Variants in BMERB1 observed in about 807,000 individuals in gnomAD.
BMERB1 encodes bMERB domain containing 1.
In BMERB1, 12 loss-of-function variants were observed where a neutral mutation model predicts 23.6. The ratio of observed to expected loss-of-function variants is 0.51; its 90% CI spans 0.33 to 0.82. The LOEUF is 0.82. Ranked by LOEUF, BMERB1 falls within the 40% of genes least tolerant of loss-of-function variation. BMERB1 has a pLI of 0.03. For synonymous variants in BMERB1, 122 were observed against 96.6 expected, an observed-to-expected ratio of 1.26 and a Z score of -1.54; for missense variants, 247 against 255.4, an observed-to-expected ratio of 0.97 and a Z score of 0.22.
intron 2 of BMERB1, chr16:15,533,183 G>A: frequency 3.1e-6 from 1 of 326,650 alleles, no homozygotes; most frequent in Non-Finnish European, 6.0e-6. Context: ...GGAAGAAATT[G>A]AGTTTGGAAA....
rs2051536302 is a variant in BMERB1 at position 15,502,129 on chromosome 16, A to G, written c.107-13176A>G. On this transcript the variant is annotated intron_variant, in intron 1 of 5. Transcript: ENST00000300006. Reference sequence around the variant, plus strand: ...CGGACCATCTACTCATGTCTGCTTGACGCCAATGCCTGCGTCTTCACGTGC... The same window carrying G: ...CGGACCATCTACTCATGTCTGCTTGGCGCCAATGCCTGCGTCTTCACGTGC... The G allele has an allele frequency of 6.0e-6, 4 of 666,162 alleles. No individual in the cohort carries two copies. In the South Asian group the frequency reaches 7.2e-5, roughly 12 times the overall value. The allele number at this position is 666,162 out of a possible 1,614,324, so 41.3% of individuals were successfully genotyped here.
At chr16:15,522,592 T>A (rs2051866477) in intron 2 of BMERB1, among the ~76,000 whole-genome samples, 1 of 152,224 alleles carries the variant, frequency 6.6e-6, no homozygotes, top group Non-Finnish European at 1.5e-5. Context: ...GCCTTTATTT[T>A]ATAGATGAGG....
chr16:15,501,570 G>A (rs1256715440), intron 1 of BMERB1, among the ~76,000 whole-genome samples: 2 of 152,152 alleles, frequency 1.3e-5, no homozygotes, highest in African/African-American at 4.8e-5. Context: ...CGCCTCCCCA[G>A]TTCAAGCAAT....
chr16:15,507,406 TG>T (rs1210418769), intron 1 of BMERB1, among the ~76,000 whole-genome samples: 2 of 152,128 alleles, frequency 1.3e-5, no homozygotes, highest in Non-Finnish European at 2.9e-5. Flanking sequence ...GGGTGGCATT[TG>T]GGGATGGGAA....
At chr16:15,477,163 C>A (rs2051281529) in intron 1 of BMERB1, among the ~76,000 whole-genome samples, 2 of 152,046 alleles carry the variant, frequency 1.3e-5, no homozygotes. Flanking sequence ...CTCACCCTTC[C>A]ACATGTCTGG....
chr16:15,448,902 C>T (rs913841442), intron 1 of BMERB1, among the ~76,000 whole-genome samples: 3 of 152,128 alleles, frequency 2.0e-5, no homozygotes, highest in Non-Finnish European at 4.4e-5. Flanking sequence ...TACAAAGTAA[C>T]AGGAATAGGT....
At chr16:15,494,761 A>G (rs2630890) in intron 1 of BMERB1, among the ~76,000 whole-genome samples, 1 of 152,194 alleles carries the variant, frequency 6.6e-6, no homozygotes, top group Non-Finnish European at 1.5e-5. Context: ...TGAAAGCAAC[A>G]AAGAATTTGT....
At chr16:15,540,062 G>A (rs1287881636) in intron 2 of BMERB1, among the ~76,000 whole-genome samples, 1 of 151,682 alleles carries the variant, frequency 6.6e-6, no homozygotes, top group Non-Finnish European at 1.5e-5. Flanking sequence ...AGGCTGAGGC[G>A]GGAGGATTGC....
intron 1 of BMERB1, among the ~76,000 whole-genome samples, chr16:15,475,206 G>A (rs969617829): frequency 1.2e-4 from 19 of 152,232 alleles, no homozygotes; most frequent in Admixed American, 7.2e-4. Context: ...GAGTTGACTC[G>A]TACCACTTTG....
At chr16:15,465,564 G>T (rs1392600779) in intron 1 of BMERB1, among the ~76,000 whole-genome samples, 3 of 151,994 alleles carry the variant, frequency 2.0e-5, no homozygotes, top group Non-Finnish European at 4.4e-5. Context: ...CGTTGGCCAG[G>T]CTGGTCTCAA....
At chr16:15,448,407 T>A (rs939270051) in intron 1 of BMERB1, among the ~76,000 whole-genome samples, 1 of 152,120 alleles carries the variant, frequency 6.6e-6, no homozygotes, top group Admixed American at 6.6e-5. Flanking sequence ...CCATAGTAGT[T>A]ATTATGTCTC....
intron 2 of BMERB1, among the ~76,000 whole-genome samples, chr16:15,543,037 T>TCA (rs2052101116): frequency 6.6e-6 from 1 of 152,188 alleles, no homozygotes; most frequent in Non-Finnish European, 1.5e-5. Context: ...TTGTCTGGTG[T>TCA]CCAGGAAGAA....
intron 2 of BMERB1, among the ~76,000 whole-genome samples, chr16:15,526,142 A>G (rs1053558860): frequency 2.6e-5 from 4 of 152,242 alleles, no homozygotes; most frequent in Non-Finnish European, 5.9e-5. Flanking sequence ...ATACATTTGT[A>G]TAGGACATTT....
intron 2 of BMERB1, among the ~76,000 whole-genome samples, chr16:15,532,549 T>C (rs1387645867): frequency 4.3e-5 from 6 of 140,044 alleles, no homozygotes; most frequent in Non-Finnish European, 6.2e-5. Flanking sequence ...TTTTTCTTTT[T>C]TTTTTTTTTT....
chr16:15,473,272 A>G (rs1450085961), intron 1 of BMERB1, among the ~76,000 whole-genome samples: 2 of 150,532 alleles, frequency 1.3e-5, no homozygotes, highest in East Asian at 3.9e-4. Context: ...TTCTGTTTGG[A>G]GAATTTCCTT....
Position 15,454,236 on chromosome 16 carries a change from G to A in BMERB1, c.106+19477G>A, listed in dbSNP as rs76968539. Reference sequence around the variant, plus strand: ...AAATTAGATGTAGCTTGTATAATCTGGAGCTACAGTCACGAGAATAGGATG... The same window carrying A: ...AAATTAGATGTAGCTTGTATAATCTAGAGCTACAGTCACGAGAATAGGATG... On this transcript the variant is annotated intron_variant, in intron 1 of 5. Transcript: ENST00000300006. 2.3e-3 allele frequency among the ~76,000 whole-genome samples: 355 copies of A among 152,324 alleles called. 7 individuals are homozygous for A. In the East Asian group the frequency reaches 0.039, roughly 17 times the overall value.
At chr16:15,446,964 A>G (rs540323614) in intron 1 of BMERB1, among the ~76,000 whole-genome samples, 36 of 152,326 alleles carry the variant, frequency 2.4e-4, no homozygotes, top group Admixed American at 1.3e-3. Context: ...AAGGATTTCT[A>G]GGTCAATATA....
rs574840975 is a variant in BMERB1, at chr16:15,481,979, C to T, written c.107-33326C>T. On this transcript the variant is annotated intron_variant, in intron 1 of 5. Coordinates refer to ENST00000300006, the MANE Select transcript of BMERB1 (RefSeq NM_033201.3). ...CTCCTGACCTCAAGTGATCTGCCCA[C>T]CTCAGCCTCCCAAAGTGCTGGGATT... Among the ~76,000 whole-genome samples, 138 of 152,162 alleles carry T rather than the reference C, an allele frequency of 9.1e-4. 1 individual carries two copies. Among genetic ancestry groups the T allele is most frequent in the Non-Finnish European group, 1.3e-3 (88 of 67,980 alleles).
intron 3 of BMERB1, among the ~76,000 whole-genome samples, chr16:15,575,742 CG>C (rs1055143614): frequency 6.6e-6 from 1 of 152,064 alleles, no homozygotes; most frequent in African/African-American, 2.4e-5. Context: ...AGAGGTTTCC[CG>C]TTGGCTACTT....
Sources: gnomAD v4.1 joint callset for allele counts (sites outside exome capture counted in the v4.1 genomes callset) on GRCh38, gnomAD v4.1.1 for gene constraint, MANE v1.5 for transcripts, NCBI Gene and HGNC (gene_info 2026-07-23, HGNC 2026-07-21) for gene names.